SLC7A2: variants seen among roughly 807,000 people sequenced by gnomAD.
The protein encoded by SLC7A2 is solute carrier family 7 member 2, also known as cationic amino acid transporter 2.
Under a neutral mutation model 58.9 loss-of-function variants are expected in SLC7A2, and 48 were observed. The ratio of observed to expected loss-of-function variants is 0.82; its 90% CI spans 0.65 to 1.04. The LOEUF is 1.04. SLC7A2 is among the 50% of genes least tolerant of loss of function. The pLI is 0.00. For missense variants in SLC7A2, 1,029 were observed against 818.8 expected (o/e 1.26, Z -3.13); for synonymous variants, 363 against 314.5 (o/e 1.15, Z -1.63).
intron 2 of SLC7A2, among the ~76,000 whole-genome samples, chr8:17,521,184 A>G (rs1246139847): frequency 6.6e-6 from 1 of 152,228 alleles, no homozygotes; most frequent in African/African-American, 2.4e-5. Context: ...CATTTAAAAT[A>G]TGAAATTGTA....
intron 2 of SLC7A2, chr8:17,538,680 G>C (rs1339948301): frequency 4.7e-6 from 4 of 844,434 alleles, no homozygotes; most frequent in African/African-American, 3.5e-5. Flanking sequence ...AGAAACGTTG[G>C]GTTTGGACAT....
intron 1 of SLC7A2, among the ~76,000 whole-genome samples, chr8:17,500,969 G>A (rs1800135052): frequency 6.6e-6 from 1 of 151,448 alleles, no homozygotes; most frequent in Non-Finnish European, 1.5e-5. Flanking sequence ...ATCAGTCTAT[G>A]GAAGCAAGCA....
chr8:17,527,571 T>C (rs1801269705), intron 2 of SLC7A2, among the ~76,000 whole-genome samples: 1 of 152,214 alleles, frequency 6.6e-6, no homozygotes, highest in Non-Finnish European at 1.5e-5. Flanking sequence ...AGCTGGACTG[T>C]CTGTGCTCCT....
At chr8:17,495,645 G>A (rs1420544986), upstream of SLC7A2, among the ~76,000 whole-genome samples, 1 of 152,178 alleles carries the variant, frequency 6.6e-6, no homozygotes, top group East Asian at 1.9e-4. Flanking sequence ...CGCCTCCTGG[G>A]CTCAAGCGAT....
rs566147791 is a variant in SLC7A2, at chr8:17,500,779, ACT to A, written c.-68-1475_-68-1474del. 7.6e-4 allele frequency among the ~76,000 whole-genome samples: 112 copies of A among 147,682 alleles called. 1 individual carries two copies. Among genetic ancestry groups the A allele is most frequent in the African/African-American group, 2.8e-3 (108 of 39,174 alleles). ...ACTCCAGCCTGGGTGACTGAGCGAG[ACT>A]CTGTCTCAACACACACATACACACA... On this transcript the variant is annotated intron_variant, in intron 1 of 12. Transcript: ENST00000494857.
chr8:17,562,180 A>ATTTTTTTTTTTTT (rs200130071), intron 11 of SLC7A2, 70 bp downstream of exon 11: 62 of 594,326 alleles, frequency 1.0e-4, no homozygotes, highest in African/African-American at 7.4e-4. Flanking sequence ...TTTGGTAAGT[A>ATTTTTTTTTTTTT]TTTTTTTTTT....
chr8:17,533,002 A>G (rs529760255), intron 2 of SLC7A2, among the ~76,000 whole-genome samples: 3 of 152,238 alleles, frequency 2.0e-5, no homozygotes, highest in South Asian at 4.2e-4. Flanking sequence ...AGGACCTTCA[A>G]TTTTAAGGAC....
intron 1 of SLC7A2, among the ~76,000 whole-genome samples, chr8:17,499,420 C>A (rs998010882): frequency 6.6e-6 from 1 of 150,582 alleles, no homozygotes; most frequent in Non-Finnish European, 1.5e-5. Context: ...CTCTCTCCCC[C>A]CTTCTCTCTC....
Position 17,563,692 on chromosome 8 carries a change from C to A in SLC7A2, c.1761C>A (p.Phe587Leu). ...VQLSADTWVR[F>L]SIWMAIGFLI... ...TAAGTGCAGACACTTGGGTCAGATT[C>A]AGCATTTGGATGGCAATTGGTAGGT... is the stretch of plus-strand genomic sequence containing the variant. The change falls in exon 12 of 13, where the codon TTC (phenylalanine) becomes TTA (leucine). Residue 587 changes from phenylalanine (F) to leucine (L), a missense_variant. Coordinates refer to ENST00000494857, the MANE Select transcript of SLC7A2 (RefSeq NM_001370338.1). 6.2e-7 allele frequency: 1 copy of A among 1,605,890 alleles called. No homozygotes were observed. Among genetic ancestry groups the A allele is most frequent in the Non-Finnish European group, 8.5e-7 (1 of 1,172,768 alleles).
intron 4 of SLC7A2, among the ~76,000 whole-genome samples, chr8:17,546,059 A>C (rs1447250642): frequency 1.3e-5 from 2 of 152,228 alleles, no homozygotes; most frequent in Non-Finnish European, 2.9e-5. Context: ...AAGTTGCACC[A>C]ATTGTTTTTC....
rs1243930345 is a variant in SLC7A2 at position 17,565,375 on chromosome 8, A to T, written c.*229A>T. ...CATCAGTGATGAATAGCCCCCAAAC[A>T]GTGGGAGTGTGTATGTATGTGTGTA... On this transcript the variant is annotated 3_prime_UTR_variant, in exon 13 of 13. Coordinates refer to ENST00000494857, the MANE Select transcript of SLC7A2 (RefSeq NM_001370338.1). 5.7e-6 allele frequency: 3 copies of T among 523,850 alleles called. No individual in the cohort carries two copies. Among genetic ancestry groups the T allele is most frequent in the Non-Finnish European group, 1.0e-5 (3 of 294,502 alleles). The allele number at this position is 523,850 out of a possible 1,614,324, so 32.5% of individuals were successfully genotyped here.
intron 2 of SLC7A2, among the ~76,000 whole-genome samples, chr8:17,536,857 A>G (rs1585227726): frequency 2.0e-5 from 3 of 152,260 alleles, no homozygotes; most frequent in Admixed American, 2.0e-4. Context: ...TTCAAGGAAC[A>G]GAGACCACTC....
intron 2 of SLC7A2, among the ~76,000 whole-genome samples, chr8:17,509,643 C>A (rs1394368809): frequency 6.6e-6 from 1 of 152,042 alleles, no homozygotes; most frequent in Admixed American, 6.6e-5. Context: ...AAAAGAGAAA[C>A]AAGAGTGCAA....
chr8:17,565,284 C>G lies in SLC7A2; in HGVS notation c.*138C>G. On this transcript the variant is annotated 3_prime_UTR_variant, in exon 13 of 13. Coordinates refer to ENST00000494857, the MANE Select transcript of SLC7A2 (RefSeq NM_001370338.1). The stretch of plus-strand genomic sequence containing the variant: ...TTCACCCTAATTTATACTTACTCAT[C>G]TGGACAGCATCTCCTCAGATGGTGA... The G allele has an allele frequency of 1.5e-6, 1 of 659,398 alleles. No homozygotes were observed. The highest frequency in any genetic ancestry group is 2.6e-6 in the Non-Finnish European group (1 of 391,404). 40.8% of individuals were successfully genotyped at this position (659,398 alleles called of 1,614,324 possible). A position where few individuals can be genotyped will look rare whatever the true frequency, so the allele number is the denominator to read the frequency against.
chr8:17,500,272 A>G (rs568664694), intron 1 of SLC7A2: 2 of 152,322 alleles, frequency 1.3e-5, no homozygotes, highest in South Asian at 2.1e-4. Context: ...CGATGCTACT[A>G]TTTCATCATC....
intron 2 of SLC7A2, among the ~76,000 whole-genome samples, chr8:17,504,987 C>CT (rs1327106027): frequency 2.4e-4 from 37 of 152,250 alleles, no homozygotes; most frequent in African/African-American, 8.7e-4. Flanking sequence ...AAGAAGAACT[C>CT]TAAGATCATA....
intron 2 of SLC7A2, among the ~76,000 whole-genome samples, chr8:17,513,886 G>T (rs935103931): frequency 6.6e-6 from 1 of 152,088 alleles, no homozygotes; most frequent in African/African-American, 2.4e-5. Flanking sequence ...CCAAAAACCT[G>T]TCATCCTGCT....
upstream of SLC7A2, among the ~76,000 whole-genome samples, chr8:17,496,530 A>T (rs1201932610): frequency 2.6e-5 from 4 of 152,180 alleles, no homozygotes; most frequent in East Asian, 7.8e-4. Context: ...AAATAATGTC[A>T]TTTCCTATAA....
chr8:17,558,510 GA>G (rs1257253782), intron 9 of SLC7A2, 113 bp downstream of exon 9: 1 of 606,734 alleles, frequency 1.6e-6, no homozygotes, highest in Non-Finnish European at 3.0e-6. Context: ...ACCAAGGTGA[GA>G]GGTCACATCT....
Sources: gnomAD v4.1 joint callset for allele counts (sites outside exome capture counted in the v4.1 genomes callset) on GRCh38, gnomAD v4.1.1 for gene constraint, MANE v1.5 for transcripts, NCBI Gene and HGNC (gene_info 2026-07-23, HGNC 2026-07-21) for gene names.